The following OCM variants were observed in gnomAD, a reference collection of about 807,000 sequenced individuals.
The protein encoded by OCM is oncomodulin.
Under a neutral mutation model 14.1 loss-of-function variants are expected in OCM, and 18 were observed. The observed-to-expected ratio is 1.28, with a 90% CI of 0.88 to 1.89. The LOEUF (loss-of-function observed/expected upper bound fraction) is 1.89. OCM is among the 40% of genes most tolerant of loss of function. The pLI is 0.00. For synonymous variants in OCM, 48 were observed against 51.0 expected (o/e 0.94, Z 0.25); for missense variants, 140 against 137.6 (o/e 1.02, Z -0.09).
chr7:5,864,047 G>A, the OCM span, among the ~76,000 whole-genome samples: 10 of 151,862 alleles, frequency 6.6e-5, no homozygotes, highest in Non-Finnish European at 1.5e-4. Context: ...GAACAAGGGG[G>A]GCAAAGAGGG....
At chr7:5,885,589 G>T (rs559381623) in intron 3 of OCM, among the ~76,000 whole-genome samples, 2 of 149,862 alleles carry the variant, frequency 1.3e-5, no homozygotes, top group East Asian at 3.9e-4. Flanking sequence ...TGATACCCAG[G>T]GTTTTTTTTT....
the OCM span, among the ~76,000 whole-genome samples, chr7:5,871,180 C>T: frequency 1.0e-3 from 153 of 151,612 alleles, no homozygotes; most frequent in East Asian, 4.9e-3. Flanking sequence ...GAGCCCCCCC[C>T]CCGTCTCTAC....
intron 3 of OCM, 55 bp from the exon 4 acceptor site, chr7:5,886,009 T>C: frequency 6.2e-7 from 1 of 1,613,480 alleles, no homozygotes; most frequent in Non-Finnish European, 8.5e-7. Context: ...CCACGGCACG[T>C]CTGTAAAGAA....
chr7:5,864,863 G>A, the OCM span, among the ~76,000 whole-genome samples: 11 of 151,906 alleles, frequency 7.2e-5, no homozygotes, highest in African/African-American at 2.4e-4. Flanking sequence ...GCTTGAACCC[G>A]GGAGGCGGAG....
chr7:5,866,388 GAGAGGAAGGAAAGAAGGAA>G, the OCM span, among the ~76,000 whole-genome samples: 899 of 56,838 alleles, frequency 0.016, 16 homozygotes, highest in African/African-American at 0.14. Flanking sequence ...AAAGGAGGAA[GAGAGGAAGGAAAGAAGGAA>G]GGGGGGGAGA....
the OCM span, among the ~76,000 whole-genome samples, chr7:5,865,786 A>C: frequency 1.3e-5 from 2 of 152,178 alleles, no homozygotes; most frequent in African/African-American, 4.8e-5. Context: ...GTGCATTTAG[A>C]GACAGTGAGT....
chr7:5,866,535 C>G, the OCM span, among the ~76,000 whole-genome samples: 1 of 151,932 alleles, frequency 6.6e-6, no homozygotes, highest in Non-Finnish European at 1.5e-5. Context: ...AATTTCCTGC[C>G]TCCTTGATAG....
At chr7:5,884,053 G>T in intron 3 of OCM, 54 bp downstream of exon 3, 1 of 1,604,566 alleles carries the variant, frequency 6.2e-7, no homozygotes, top group South Asian at 1.1e-5. Flanking sequence ...AAGCATCCGT[G>T]AGGGCTTGGG....
upstream of OCM, among the ~76,000 whole-genome samples, chr7:5,879,046 A>T (rs986118826): frequency 1.1e-4 from 16 of 152,020 alleles, no homozygotes; most frequent in African/African-American, 3.6e-4. Flanking sequence ...ATGCATATTT[A>T]AAAAATTAGC....
the OCM span, chr7:5,872,129 C>T: frequency 6.6e-6 from 1 of 152,242 alleles, no homozygotes; most frequent in Non-Finnish European, 1.5e-5. Context: ...GCCATTTCCA[C>T]ACCTATCGTA....
At chr7:5,882,729 G>A in intron 2 of OCM, 104 bp downstream of exon 2, 1 of 1,389,876 alleles carries the variant, frequency 7.2e-7, no homozygotes, top group Non-Finnish European at 9.8e-7. Context: ...CAGCCTTGGT[G>A]TTGGTCATTC....
At position 5,882,740 on chromosome 7, in the gene OCM, G is replaced by A. The variant is rs1049484331; in HGVS notation, c.194+115G>A. On this transcript the variant is annotated intron_variant, in intron 2 of 3. Transcript: ENST00000242104. Reference sequence around the variant, plus strand: ...TGGCCAGCCTTGGTGTTGGTCATTCGGCCAAGCATCATTAAAGCAAAGGAC... The same window carrying A: ...TGGCCAGCCTTGGTGTTGGTCATTCAGCCAAGCATCATTAAAGCAAAGGAC... The A allele has an allele frequency of 8.2e-5, 104 of 1,267,436 alleles. 2 individuals are homozygous for A. In the Admixed American group the frequency reaches 1.8e-3, roughly 22 times the overall value. The allele number at this position is 1,267,436 out of a possible 1,614,324, so 78.5% of individuals were successfully genotyped here. A position where few individuals can be genotyped will look rare whatever the true frequency, so the allele number is the denominator to read the frequency against.
At chr7:5,883,610 C>T (rs1014697740) in intron 2 of OCM, among the ~76,000 whole-genome samples, 2 of 150,874 alleles carry the variant, frequency 1.3e-5, no homozygotes, top group East Asian at 4.0e-4. Context: ...TTGATTGAGC[C>T]CAGGAAGTCG....
chr7:5,860,320 A>C, the OCM span, among the ~76,000 whole-genome samples: 4,652 of 148,534 alleles, frequency 0.031, 110 homozygotes, highest in Non-Finnish European at 0.045. Context: ...CACATGCCTA[A>C]GCAGTTTGGG....
Position 5,882,576 on chromosome 7 carries a change from C to A in OCM, c.145C>A (p.Arg49=), listed in dbSNP as rs755114818. ...AGCCAATCAGGTGAAGGATGTTTTC[C>A]GGTTCATAGACAACGACCAGAGCGG... ...MSANQVKDVF[R]FIDNDQSGYL... is the part of the protein sequence containing the mutation. The change falls in exon 2 of 4, where the codon CGG becomes AGG. Residue 49 remains arginine, a synonymous_variant. Transcript: ENST00000242104. 3 of 1,614,062 alleles carry A rather than the reference C, an allele frequency of 1.9e-6. No individual in the cohort carries two copies. The highest frequency in any genetic ancestry group is 2.2e-5 in the East Asian group (1 of 44,878).
At chr7:5,865,678 C>G in the OCM span, among the ~76,000 whole-genome samples, 2 of 152,192 alleles carry the variant, frequency 1.3e-5, no homozygotes, top group Admixed American at 1.3e-4. Flanking sequence ...TGAATCACCT[C>G]TAGCGATGGG....
the OCM span, among the ~76,000 whole-genome samples, chr7:5,865,092 T>C: frequency 2.0e-5 from 3 of 152,100 alleles, no homozygotes; most frequent in Admixed American, 1.3e-4. Context: ...TTAACCAAAT[T>C]TGTTGTCATC....
Position 5,880,942 on chromosome 7 carries a change from A to C in OCM, c.53A>C (p.Glu18Ala). 6.2e-7 allele frequency: 1 copy of C among 1,613,758 alleles called. No individual in the cohort carries two copies. Among genetic ancestry groups the C allele is most frequent in the Non-Finnish European group, 8.5e-7 (1 of 1,179,764 alleles). ...SADDIAAALQ[E>A]CRDPDTFEPQ... is the part of the protein sequence containing the mutation. ...GACGACATTGCAGCAGCGCTCCAGG[A>C]ATGCCGAGGTAGAGGGGACGTGAGG... is the stretch of plus-strand genomic sequence containing the variant. Residue 18 changes from glutamate (E) to alanine (A), a missense_variant, in exon 1 of 4, where the codon GAA becomes GCA. Transcript: ENST00000242104.
the OCM span, among the ~76,000 whole-genome samples, chr7:5,864,342 G>C: frequency 7.1e-4 from 92 of 129,950 alleles, no homozygotes; most frequent in African/African-American, 2.9e-3. Flanking sequence ...GGGAGACCTT[G>C]TCTCAAAAAA....
Sources: allele counts gnomAD v4.1 joint callset (sites outside exome capture counted in the v4.1 genomes callset), GRCh38; gene constraint gnomAD v4.1.1; transcripts MANE v1.5; gene names NCBI Gene and HGNC (gene_info 2026-07-23, HGNC 2026-07-21).